SORCS3: variants seen among roughly 807,000 people sequenced by gnomAD.
The protein encoded by SORCS3 is VPS10 domain-containing receptor SorCS3.
Under a neutral mutation model 146.3 loss-of-function variants are expected in SORCS3, and 57 were observed. The observed-to-expected ratio is 0.39, with a 90% CI of 0.31 to 0.49. The LOEUF (loss-of-function observed/expected upper bound fraction) is 0.49, where lower values mean the gene tolerates loss of function less well. Ranked by LOEUF, SORCS3 falls within the 20% of genes least tolerant of loss-of-function variation. The pLI is 0.92. For missense variants in SORCS3, 1,341 were observed against 1,575.5 expected, an observed-to-expected ratio of 0.85 and a Z score of 2.52; for synonymous variants, 653 against 618.5, an observed-to-expected ratio of 1.06 and a Z score of -0.83.
In SORCS3 at chr10:105,180,834, T is replaced by A. The variant is rs373780079; in HGVS notation, c.2009+2661T>A. On this transcript the variant is annotated intron_variant, in intron 14 of 26. Transcript: ENST00000369701. ...ACTAAATTTCTAAGTATCTTTCTGA[T>A]CTCAGTTTAAATATCAGTTCTCATA... Among the ~76,000 whole-genome samples the A allele has an allele frequency of 2.0e-5, 3 of 152,302 alleles. No individual in the cohort carries two copies. In the East Asian group the frequency reaches 5.8e-4, roughly 29 times the overall value.
intron 3 of SORCS3, among the ~76,000 whole-genome samples, chr10:104,967,979 G>A (rs2054835801): frequency 6.6e-6 from 1 of 152,070 alleles, no homozygotes; most frequent in South Asian, 2.1e-4. Context: ...GTAATTTAAA[G>A]CTAAAGGTTA....
intron 23 of SORCS3, among the ~76,000 whole-genome samples, chr10:105,253,891 AC>A (rs1163141025): frequency 1.3e-5 from 2 of 152,134 alleles, no homozygotes; most frequent in Non-Finnish European, 2.9e-5. Flanking sequence ...CTTTTACAAG[AC>A]CTCTTTATTC....
chr10:104,837,429 G>A (rs1278368903), intron 1 of SORCS3, among the ~76,000 whole-genome samples: 4 of 152,162 alleles, frequency 2.6e-5, no homozygotes, highest in Non-Finnish European at 5.9e-5. Context: ...CTGTGTGTAT[G>A]TCTGTATATA....
intron 1 of SORCS3, among the ~76,000 whole-genome samples, chr10:104,713,974 G>C (rs1194621059): frequency 6.6e-6 from 1 of 152,130 alleles, no homozygotes; most frequent in African/African-American, 2.4e-5. Flanking sequence ...CCTTGTGTGA[G>C]TTATGCTAGT....
intron 20 of SORCS3, among the ~76,000 whole-genome samples, chr10:105,242,325 TAC>T (rs1443484757): frequency 2.8e-4 from 35 of 126,556 alleles, no homozygotes; most frequent in Admixed American, 4.6e-4. Flanking sequence ...TATATATTTA[TAC>T]ATATATTTAT....
intron 21 of SORCS3, 85 bp downstream of exon 21, chr10:105,245,750 T>A (rs1204987274): frequency 4.0e-6 from 6 of 1,485,242 alleles, no homozygotes; most frequent in Non-Finnish European, 5.4e-6. Context: ...TTGAGTGTGG[T>A]GGAAATTCCT....
chr10:105,260,785 G>A (rs1454409509), intron 25 of SORCS3, among the ~76,000 whole-genome samples: 2 of 152,144 alleles, frequency 1.3e-5, no homozygotes, highest in Admixed American at 1.3e-4. Context: ...AGTTGCATGG[G>A]ATGTCCTGGA....
intron 1 of SORCS3, among the ~76,000 whole-genome samples, chr10:104,765,250 A>G (rs2017166049): frequency 1.3e-5 from 2 of 152,164 alleles, no homozygotes; most frequent in Admixed American, 1.3e-4. Flanking sequence ...CAGTTTCCTC[A>G]ACTCTCCTTT....
intron 7 of SORCS3, among the ~76,000 whole-genome samples, chr10:105,113,663 A>T (rs548026970): frequency 1.3e-5 from 2 of 152,298 alleles, no homozygotes; most frequent in Admixed American, 1.3e-4. Flanking sequence ...TAGGAGGTAA[A>T]GGTAGCCATC....
At chr10:104,814,910 C>A (rs1476741640) in intron 1 of SORCS3, among the ~76,000 whole-genome samples, 2 of 152,096 alleles carry the variant, frequency 1.3e-5, no homozygotes, top group Non-Finnish European at 2.9e-5. Context: ...TAGTTAGGAT[C>A]CTTCCTTTCT....
At chr10:104,896,201 G>C (rs896452354) in intron 2 of SORCS3, among the ~76,000 whole-genome samples, 2 of 152,192 alleles carry the variant, frequency 1.3e-5, no homozygotes, top group Admixed American at 1.3e-4. Context: ...GATGGGTTTG[G>C]TGCATCTTTT....
intron 1 of SORCS3, among the ~76,000 whole-genome samples, chr10:104,735,749 T>C (rs2016763988): frequency 6.6e-6 from 1 of 152,018 alleles, no homozygotes; most frequent in Non-Finnish European, 1.5e-5. Flanking sequence ...CCGATAAGGA[T>C]TTTTGTTTGG....
intron 21 of SORCS3, among the ~76,000 whole-genome samples, chr10:105,246,172 G>C (rs1312688587): frequency 1.3e-5 from 2 of 152,316 alleles, no homozygotes; most frequent in East Asian, 3.9e-4. Flanking sequence ...GACTAGGGCA[G>C]AAGAGGGTGA....
chr10:105,041,595 A>G lies in SORCS3; in HGVS notation c.955-1460A>G, dbSNP rs1186296035. Among the ~76,000 whole-genome samples the G allele has an allele frequency of 3.9e-5, 6 of 151,998 alleles. No individual in the cohort carries two copies. In the East Asian group the frequency reaches 1.2e-3, roughly 29 times the overall value. ...AGTTTTATGGCTCCGTTGTTCAATA[A>G]ATATTTGCTGAATTAAATTGAAATG... On this transcript the variant is annotated intron_variant, in intron 4 of 26. Transcript: ENST00000369701.
At chr10:104,894,505 C>T (rs1323589152) in intron 2 of SORCS3, among the ~76,000 whole-genome samples, 2 of 152,184 alleles carry the variant, frequency 1.3e-5, no homozygotes, top group African/African-American at 2.4e-5. Context: ...ACTCTGAAAC[C>T]TGGACTGAGG....
In SORCS3 at chr10:104,695,166, G is replaced by T. The variant is rs565606842; in HGVS notation, c.627+53212G>T. On this transcript the variant is annotated intron_variant, in intron 1 of 26. Coordinates refer to ENST00000369701, the MANE Select transcript of SORCS3 (RefSeq NM_014978.3). ...GTGGTGATTTTTTTCTATTTTACAA[G>T]AAATCATATACTCTCTGAAGGAGAA... 2.0e-5 allele frequency among the ~76,000 whole-genome samples: 3 copies of T among 152,194 alleles called. No individual in the cohort carries two copies. In the East Asian group the frequency reaches 5.8e-4, roughly 29 times the overall value.
chr10:105,257,332 A>G (rs1314195604), intron 25 of SORCS3, among the ~76,000 whole-genome samples: 1 of 152,210 alleles, frequency 6.6e-6, no homozygotes, highest in Non-Finnish European at 1.5e-5. Flanking sequence ...ACATGTACAG[A>G]CACCGATGCA....
At chr10:105,025,883 T>C (rs371300936) in intron 4 of SORCS3, among the ~76,000 whole-genome samples, 2 of 78,658 alleles carry the variant, frequency 2.5e-5, no homozygotes, top group African/African-American at 9.6e-5. Context: ...CACACACACC[T>C]GAAGAACAAG....
chr10:104,853,404 C>A (rs560822278), intron 2 of SORCS3, among the ~76,000 whole-genome samples: 7 of 152,322 alleles, frequency 4.6e-5, no homozygotes, highest in Non-Finnish European at 1.0e-4. Context: ...GAAACCATTG[C>A]TAACTTAAGC....
Sources: gnomAD v4.1 joint callset for allele counts (sites outside exome capture counted in the v4.1 genomes callset) on GRCh38, gnomAD v4.1.1 for gene constraint, MANE v1.5 for transcripts, NCBI Gene and HGNC (gene_info 2026-07-23, HGNC 2026-07-21) for gene names.